Variants in CDK19 observed in about 807,000 individuals in gnomAD.
CDK19 encodes cyclin-dependent kinase 19.
CDK19 carries 20 observed loss-of-function variants against 68.3 expected under a neutral mutation model. The ratio of observed to expected loss-of-function variants is 0.29; its 90% CI spans 0.21 to 0.43. The LOEUF is 0.43. Ranked by LOEUF, CDK19 falls within the 20% of genes least tolerant of loss-of-function variation. The pLI is 1.00. For synonymous variants in CDK19, 221 were observed against 222.8 expected (o/e 0.99, Z 0.07); for missense variants, 339 against 623.5 (o/e 0.54, Z 4.86).
intron 1 of CDK19, among the ~76,000 whole-genome samples, chr6:110,794,685 G>A (rs1583118376): frequency 6.6e-6 from 1 of 151,174 alleles, no homozygotes; most frequent in Non-Finnish European, 1.5e-5. Context: ...TTACAGGGGT[G>A]AGCCACCACG....
chr6:110,720,403 T>C (rs560807237), intron 2 of CDK19, among the ~76,000 whole-genome samples: 23 of 152,196 alleles, frequency 1.5e-4, no homozygotes, highest in African/African-American at 5.3e-4. Context: ...CAAAACCAGA[T>C]GTGCTGTCAG....
At chr6:110,781,401 C>T (rs376283219) in intron 1 of CDK19, among the ~76,000 whole-genome samples, 23 of 152,296 alleles carry the variant, frequency 1.5e-4, no homozygotes, top group African/African-American at 4.8e-4. Flanking sequence ...GGATCTGCCC[C>T]CATGACCCAA....
intron 3 of CDK19, 118 bp downstream of exon 3, chr6:110,670,311 CTT>C (rs1460608850): frequency 6.4e-5 from 33 of 516,490 alleles, no homozygotes; most frequent in Non-Finnish European, 1.1e-4. Flanking sequence ...TTTATATTGA[CTT>C]TGAAATATGG....
intron 2 of CDK19, among the ~76,000 whole-genome samples, chr6:110,715,305 A>AT (rs1278795017): frequency 6.6e-6 from 1 of 152,234 alleles, no homozygotes; most frequent in Non-Finnish European, 1.5e-5. Context: ...CATTATGCTA[A>AT]TAGACTAATA....
At chr6:110,771,995 T>G (rs372144929) in intron 1 of CDK19, among the ~76,000 whole-genome samples, 1 of 152,202 alleles carries the variant, frequency 6.6e-6, no homozygotes, top group South Asian at 2.1e-4. Flanking sequence ...TCAACAAGTC[T>G]CTAGGAAGTT....
chr6:110,809,391 C>T (rs762601106), intron 1 of CDK19, among the ~76,000 whole-genome samples: 24 of 151,876 alleles, frequency 1.6e-4, no homozygotes, highest in Non-Finnish European at 2.4e-4. Context: ...CCAGCACGTG[C>T]ATCTGTGGTC....
intron 1 of CDK19, among the ~76,000 whole-genome samples, chr6:110,769,152 C>CAGA (rs1562273196): frequency 2.0e-5 from 1 of 50,558 alleles, no homozygotes. Context: ...GACTCTGTCT[C>CAGA]AAAAAAAAAA....
At chr6:110,759,428 A>ATACATATATATATATATATATATATATAT (rs1554219514) in intron 1 of CDK19, among the ~76,000 whole-genome samples, 1 of 50,916 alleles carries the variant, frequency 2.0e-5, no homozygotes, top group African/African-American at 8.7e-5. Flanking sequence ...AAAAAAAAAA[A>ATACATATATATATATATATATATATATAT]ATATATATAT....
chr6:110,731,958 A>G (rs993373569), intron 2 of CDK19, among the ~76,000 whole-genome samples: 3 of 152,182 alleles, frequency 2.0e-5, no homozygotes, highest in Non-Finnish European at 4.4e-5. Context: ...TGATAGTACT[A>G]TTATATTTCT....
rs1019051208 is a variant in CDK19 at position 110,632,163 on chromosome 6, T to TA, written c.515-3dup. 4.4e-6 allele frequency: 7 copies of TA among 1,586,686 alleles called. No homozygotes were observed. The Admixed American group carries it at 5.8e-5, about 13-fold the overall frequency. On this transcript the variant is annotated splice_region_variant and splice_polypyrimidine_tract_variant and intron_variant, in intron 5 of 12. Coordinates refer to ENST00000368911, the MANE Select transcript of CDK19 (RefSeq NM_015076.5). ...ATAATCTGGCAAAACCCATGTCAGC[T>TA]AAAAAAATAAAATAAATTAACATAA...
intron 1 of CDK19, among the ~76,000 whole-genome samples, chr6:110,773,051 T>TAAAA (rs202143768): frequency 7.5e-6 from 1 of 132,738 alleles, no homozygotes; most frequent in East Asian, 2.1e-4. Flanking sequence ...CCCCGTCTCT[T>TAAAA]AAAAAAAAAA....
chr6:110,658,232 GC>G (rs1781421911), intron 4 of CDK19, among the ~76,000 whole-genome samples: 1 of 152,190 alleles, frequency 6.6e-6, no homozygotes, highest in Non-Finnish European at 1.5e-5. Context: ...CAAGGACTCA[GC>G]TTTAAGGAAC....
At chr6:110,701,328 G>A (rs903914872) in intron 2 of CDK19, among the ~76,000 whole-genome samples, 1 of 151,404 alleles carries the variant, frequency 6.6e-6, no homozygotes, top group African/African-American at 2.4e-5. Flanking sequence ...AGATCACGAG[G>A]TCAGGAGATT....
chr6:110,702,807 A>G (rs1251553782), intron 2 of CDK19, among the ~76,000 whole-genome samples: 1 of 152,170 alleles, frequency 6.6e-6, no homozygotes. Context: ...TGCACAAAAA[A>G]CGTCATTATA....
chr6:110,764,850 C>G (rs1222622648), intron 1 of CDK19, among the ~76,000 whole-genome samples: 2 of 151,860 alleles, frequency 1.3e-5, no homozygotes, highest in Non-Finnish European at 2.9e-5. Context: ...ACTCAGGAGG[C>G]TGAGGGAGGA....
chr6:110,747,899 T>G (rs983098269), intron 1 of CDK19, among the ~76,000 whole-genome samples: 1 of 152,216 alleles, frequency 6.6e-6, no homozygotes, highest in African/African-American at 2.4e-5. Context: ...GTCCCTCCTG[T>G]GCCTTAAATG....
At chr6:110,749,434 C>T (rs1180931452) in intron 1 of CDK19, among the ~76,000 whole-genome samples, 1 of 151,710 alleles carries the variant, frequency 6.6e-6, no homozygotes, top group Admixed American at 6.6e-5. Flanking sequence ...GATCTGGGCT[C>T]ACTGCAGTGT....
intron 3 of CDK19, among the ~76,000 whole-genome samples, chr6:110,669,641 A>T (rs1770823551): frequency 1.3e-5 from 2 of 152,250 alleles, no homozygotes; most frequent in African/African-American, 4.8e-5. Flanking sequence ...AAAATTAGCC[A>T]GGCATAGTGG....
At chr6:110,729,026 TTAA>T (rs1291118969) in intron 2 of CDK19, among the ~76,000 whole-genome samples, 1 of 151,820 alleles carries the variant, frequency 6.6e-6, no homozygotes, top group Non-Finnish European at 1.5e-5. Context: ...TCCTGAATGA[TTAA>T]TAATAATAGT....
Sources: allele counts gnomAD v4.1 joint callset (sites outside exome capture counted in the v4.1 genomes callset), GRCh38; gene constraint gnomAD v4.1.1; transcripts MANE v1.5; gene names NCBI Gene and HGNC (gene_info 2026-07-23, HGNC 2026-07-21).